The following LRIG1 variants were observed in gnomAD, a reference collection of about 807,000 sequenced individuals.
The protein encoded by LRIG1 is leucine-rich repeats and immunoglobulin-like domains protein 1.
A neutral mutation model predicts 99.2 loss-of-function variants in LRIG1; 48 were observed. The ratio of observed to expected loss-of-function variants is 0.48; its 90% confidence interval spans 0.38 to 0.62. The LOEUF (loss-of-function observed/expected upper bound fraction) is 0.62, where lower values mean the gene tolerates loss of function less well. Among genes scored for constraint, LRIG1 ranks in the 20% least tolerant of loss-of-function variants. The pLI, the probability that LRIG1 is intolerant of heterozygous loss-of-function variation, is 0.00. For missense variants in LRIG1, 1,646 were observed against 1,434.4 expected (o/e 1.15, Z -2.38); for synonymous variants, 772 against 596.1 (o/e 1.29, Z -4.30).
intron 3 of LRIG1, among the ~76,000 whole-genome samples, chr3:66,437,455 C>G (rs1188908714): frequency 6.6e-6 from 1 of 152,240 alleles, no homozygotes; most frequent in African/African-American, 2.4e-5. Context: ...CCTTGACACC[C>G]TGCCTGCCTC....
intron 1 of LRIG1, among the ~76,000 whole-genome samples, chr3:66,467,159 T>A (rs763769665): frequency 8.5e-5 from 13 of 152,200 alleles, no homozygotes; most frequent in African/African-American, 2.7e-4. Flanking sequence ...GTTTGCTCGC[T>A]GAGCACGTTT....
intron 1 of LRIG1, among the ~76,000 whole-genome samples, chr3:66,472,679 G>A (rs1358091165): frequency 6.6e-6 from 1 of 152,096 alleles, no homozygotes; most frequent in African/African-American, 2.4e-5. Context: ...GATTTCACTG[G>A]GATAAAGTGA....
At position 66,489,117 on chromosome 3, in the gene LRIG1, C is replaced by T. The variant is rs575533050; in HGVS notation, c.218+11073G>A. 2.6e-5 allele frequency among the ~76,000 whole-genome samples: 4 copies of T among 152,268 alleles called. No individual in the cohort carries two copies. In the South Asian group the frequency reaches 8.3e-4, roughly 32 times the overall value. ...CACTTTCTTTGTGGAGTATTCACTC[C>T]TCCTCAATAATATCTCAAGGCTCAC... On this transcript the variant is annotated intron_variant, in intron 1 of 18. Transcript: ENST00000273261.
In LRIG1 at chr3:66,379,072, T is replaced by C. The variant is rs747661774; in HGVS notation, c.*1191A>G. 2.0e-5 allele frequency: 3 copies of C among 152,662 alleles called. No individual in the cohort carries two copies. Among genetic ancestry groups the C allele is most frequent in the Non-Finnish European group, 4.4e-5 (3 of 68,046 alleles). 9.5% of individuals were successfully genotyped at this position (152,662 alleles called of 1,614,324 possible). ...GACACCTGACAGTAATTGTTAACTA[T>C]TTTCTCAGTAACTCCCTTCAGCTTT... On this transcript the variant is annotated 3_prime_UTR_variant, in exon 19 of 19. Coordinates refer to ENST00000273261, the MANE Select transcript of LRIG1 (RefSeq NM_015541.3).
chr3:66,475,284 G>A (rs1320216438), intron 1 of LRIG1, among the ~76,000 whole-genome samples: 1 of 152,186 alleles, frequency 6.6e-6, no homozygotes, highest in Non-Finnish European at 1.5e-5. Flanking sequence ...TGCTATCATT[G>A]GTAGGGAGGT....
At chr3:66,458,796 C>G (rs986681236) in intron 2 of LRIG1, among the ~76,000 whole-genome samples, 1 of 152,030 alleles carries the variant, frequency 6.6e-6, no homozygotes, top group Non-Finnish European at 1.5e-5. Flanking sequence ...GCGGGTGGAT[C>G]ACCTAATGTC....
In LRIG1 at chr3:66,405,179, C is replaced by CCGTG; in HGVS notation, c.1160+15_1160+18dup. The CCGTG allele has an allele frequency of 1.2e-6, 2 of 1,612,194 alleles. No individual in the cohort carries two copies. The highest frequency in any genetic ancestry group is 1.7e-6 in the Non-Finnish European group (2 of 1,178,494). ...GTCCCGCGCATTTGCCGGCGGAGCT[C>CCGTG]CGTGCGGCGGATACTCACAGCTTGC... is the stretch of plus-strand genomic sequence containing the variant. On this transcript the variant is annotated intron_variant, in intron 9 of 18. Transcript: ENST00000273261.
chr3:66,468,002 G>A (rs577747446), intron 1 of LRIG1, among the ~76,000 whole-genome samples: 6 of 152,292 alleles, frequency 3.9e-5, no homozygotes, highest in East Asian at 1.9e-4. Context: ...AAGGGAAAGA[G>A]CCTTCAAAAA....
chr3:66,500,358 CA>C lies in LRIG1; in HGVS notation c.49del (p.Cys17AlafsTer15). On this transcript the variant is annotated frameshift_variant, in exon 1 of 19. Coordinates refer to ENST00000273261, the MANE Select transcript of LRIG1 (RefSeq NM_015541.3). LOFTEE classifies it high-confidence loss of function. The stretch of plus-strand genomic sequence containing the variant: ...CAAAAGCAGCCAGAGAAGGAGAAGG[CA>C]AGGCGAGCGGCGCGGGGCCCCGAGC... ...GGLGAPRRSP[C>X]LLLLWLLLLR... is the part of the protein sequence containing the mutation. The C allele has an allele frequency of 6.7e-7, 1 of 1,491,934 alleles. No individual in the cohort carries two copies. Among genetic ancestry groups the C allele is most frequent in the Non-Finnish European group, 8.9e-7 (1 of 1,126,996 alleles). The allele number at this position is 1,491,934 out of a possible 1,614,324, so 92.4% of individuals were successfully genotyped here. A position where few individuals can be genotyped will look rare whatever the true frequency, so the allele number is the denominator to read the frequency against.
At chr3:66,381,666 G>C (rs775511610) in intron 16 of LRIG1, 35 bp from the exon 17 acceptor site, 1 of 1,600,720 alleles carries the variant, frequency 6.2e-7, no homozygotes. Flanking sequence ...AGAAACTCTG[G>C]GCTTGGTATT....
At chr3:66,490,253 G>A (rs917491206) in intron 1 of LRIG1, among the ~76,000 whole-genome samples, 2 of 152,180 alleles carry the variant, frequency 1.3e-5, no homozygotes, top group African/African-American at 4.8e-5. Flanking sequence ...TAACTACAGG[G>A]CATGTCAGCT....
At chr3:66,486,464 A>T (rs1474119720) in intron 1 of LRIG1, among the ~76,000 whole-genome samples, 1 of 152,132 alleles carries the variant, frequency 6.6e-6, no homozygotes, top group African/African-American at 2.4e-5. Context: ...GAAGACAAGG[A>T]CACAACATTA....
In LRIG1 at chr3:66,380,469, C is replaced by CT. The variant is rs774351408; in HGVS notation, c.3075dup (p.Ala1026SerfsTer42). 1 of 1,614,142 alleles carries CT rather than the reference C, an allele frequency of 6.2e-7. No homozygotes were observed. Among genetic ancestry groups the CT allele is most frequent in the Admixed American group, 1.7e-5 (1 of 60,024 alleles). ...GTGGAGTCCGGGTGATACAACCTTGCTAAAGTCCAGGAAGAATCCCCTACA... is the reference window on the plus strand; with the variant it reads ...GTGGAGTCCGGGTGATACAACCTTGCTTAAAGTCCAGGAAGAATCCCCTACA... On this transcript the variant is annotated frameshift_variant, in exon 19 of 19. Coordinates refer to ENST00000273261, the MANE Select transcript of LRIG1 (RefSeq NM_015541.3). LOFTEE classifies it low-confidence loss of function (END_TRUNC).
chr3:66,464,105 C>T (rs1700416926), intron 1 of LRIG1, among the ~76,000 whole-genome samples: 1 of 152,080 alleles, frequency 6.6e-6, no homozygotes, highest in Non-Finnish European at 1.5e-5. Context: ...AATTCTCCCA[C>T]ATTAGAAAAA....
intron 3 of LRIG1, among the ~76,000 whole-genome samples, chr3:66,435,590 A>G (rs1703328699): frequency 6.6e-6 from 1 of 152,136 alleles, no homozygotes; most frequent in African/African-American, 2.4e-5. Context: ...AAAAGAAAAC[A>G]AAAGACAACC....
chr3:66,488,562 G>C (rs1701028584), intron 1 of LRIG1, among the ~76,000 whole-genome samples: 1 of 152,128 alleles, frequency 6.6e-6, no homozygotes, highest in East Asian at 1.9e-4. Flanking sequence ...ACTTGAGCCA[G>C]GAAGGCAGAG....
At position 66,386,009 on chromosome 3, in the gene LRIG1, A is replaced by G. The variant is rs568492342; in HGVS notation, c.1761T>C (p.Tyr587=). The G allele has an allele frequency of 1.3e-4, 212 of 1,614,118 alleles. 4 individuals are homozygous for G. In the South Asian group the frequency reaches 2.2e-3, roughly 17 times the overall value. The change falls in exon 13 of 19, where the codon TAT becomes TAC. Residue 587 remains tyrosine, a synonymous_variant. Transcript: ENST00000273261. ...CVITNHFGST[Y]SHKARLTVNV... ...TCACGGTGAGCCTGGCCTTATGTGA[A>G]TAGGTGGAGCCAAAGTGGTTGGTGA...
At chr3:66,382,610 C>A (rs1413540360) in intron 15 of LRIG1, among the ~76,000 whole-genome samples, 1 of 140,954 alleles carries the variant, frequency 7.1e-6, no homozygotes, top group African/African-American at 2.8e-5. Context: ...CCAGCAGATG[C>A]CAGACGCCAC....
rs34273627 is a variant in LRIG1 at position 66,379,953 on chromosome 3, T to C, written c.*310A>G. On this transcript the variant is annotated 3_prime_UTR_variant, in exon 19 of 19. Coordinates refer to ENST00000273261, the MANE Select transcript of LRIG1 (RefSeq NM_015541.3). The stretch of plus-strand genomic sequence containing the variant: ...CAGCAACCTGATACGAAAAATAATA[T>C]TGTCAAAATTGTATAATTTTTTTCT... 1.1e-3 allele frequency: 194 copies of C among 171,594 alleles called. No homozygotes were observed. Among genetic ancestry groups the C allele is most frequent in the African/African-American group, 5.5e-3 (183 of 33,262 alleles). The allele number at this position is 171,594 out of a possible 1,614,324, so 10.6% of individuals were successfully genotyped here.
Sources: gnomAD v4.1 joint callset for allele counts (sites outside exome capture counted in the v4.1 genomes callset) on GRCh38, gnomAD v4.1.1 for gene constraint, MANE v1.5 for transcripts, NCBI Gene and HGNC (gene_info 2026-07-23, HGNC 2026-07-21) for gene names.